Variants in CNGA1 observed in about 807,000 individuals in gnomAD.
The protein encoded by CNGA1 is cyclic nucleotide-gated channel alpha-1.
CNGA1 carries 53 observed loss-of-function variants against 69.7 expected under a neutral mutation model. That is an observed-to-expected ratio of 0.76 (90% CI 0.61 to 0.96). The LOEUF (loss-of-function observed/expected upper bound fraction) is 0.96, where lower values mean the gene tolerates loss of function less well. Among genes scored for constraint, CNGA1 ranks in the 40% least tolerant of loss-of-function variants. The pLI, the probability that CNGA1 is intolerant of heterozygous loss-of-function variation, is 0.00. For synonymous variants in CNGA1, 249 were observed against 283.5 expected (o/e 0.88, Z 1.22); for missense variants, 739 against 811.2 (o/e 0.91, Z 1.08).
chr4:47,996,711 GA>G (rs1049375684), intron 2 of CNGA1, among the ~76,000 whole-genome samples: 4 of 151,724 alleles, frequency 2.6e-5, no homozygotes, highest in Admixed American at 6.6e-5. Flanking sequence ...CCAGAGTAAG[GA>G]AAAAAAATTA....
At chr4:47,976,043 A>G (rs191252408) in intron 3 of CNGA1, among the ~76,000 whole-genome samples, 1 of 150,808 alleles carries the variant, frequency 6.6e-6, no homozygotes, top group African/African-American at 2.4e-5. Context: ...GTGTTTTGGA[A>G]AGTCTTAAAA....
intron 3 of CNGA1, among the ~76,000 whole-genome samples, chr4:47,960,561 A>G (rs1036709018): frequency 2.6e-5 from 4 of 152,200 alleles, no homozygotes; most frequent in African/African-American, 7.2e-5. Context: ...TAGAATTCCA[A>G]TCTTTTGCTT....
At chr4:47,941,921 C>T (rs1031730248) in intron 9 of CNGA1, 120 bp downstream of exon 9, 4 of 672,470 alleles carry the variant, frequency 5.9e-6, no homozygotes, top group Non-Finnish European at 1.0e-5. Context: ...CTCTTTACCA[C>T]CTGCAGTAGA....
chr4:47,976,566 C>T (rs7694104), intron 3 of CNGA1, among the ~76,000 whole-genome samples: 80,274 of 151,406 alleles, frequency 0.53, 23,022 homozygotes, highest in Non-Finnish European at 0.64. Flanking sequence ...TGTAATTCCA[C>T]GGAGATTTTG....
rs1303242394 is a variant in CNGA1, at chr4:47,937,488, C to A, written c.994G>T (p.Asp332Tyr). The change falls in exon 11 of 11, where the codon GAT becomes TAT. Residue 332 changes from aspartate to tyrosine, a missense_variant. By Grantham distance (160) the Asp-to-Tyr change is radical (BLOSUM62 -3). Coordinates refer to ENST00000514170, the MANE Select transcript of CNGA1 (RefSeq NM_001379270.1). ...GFGNDTWVYPDINDPEFGRLA... is the reference protein window; with the variant it reads ...GFGNDTWVYPYINDPEFGRLA... The stretch of plus-strand genomic sequence containing the variant: ...CGGCCAAATTCAGGATCATTAATAT[C>A]AGGGTAGACCCATGTATCATTTCCA... 6 of 1,614,052 alleles carry A rather than the reference C, an allele frequency of 3.7e-6. No homozygotes were observed. In the African/African-American group the frequency reaches 8.0e-5, roughly 22 times the overall value.
chr4:47,973,274 A>G (rs1014203876), intron 3 of CNGA1, among the ~76,000 whole-genome samples: 19 of 151,882 alleles, frequency 1.3e-4, no homozygotes, highest in African/African-American at 4.6e-4. Context: ...GGGATGGTTC[A>G]CCATTTTGGC....
At chr4:48,006,628 T>A (rs977977364) in intron 2 of CNGA1, among the ~76,000 whole-genome samples, 6 of 145,496 alleles carry the variant, frequency 4.1e-5, no homozygotes, top group Admixed American at 2.0e-4. Context: ...AAAAAAGACA[T>A]AATTTTTTTT....
Position 47,940,873 on chromosome 4 carries a change from T to C in CNGA1, c.546-4A>G, listed in dbSNP as rs1739033685. ...TTGAAGTTCATCAAAACATGCTCTA[T>C]AAAAAAAGAAACACTTGTATAAATA... On this transcript the variant is annotated splice_region_variant and splice_polypyrimidine_tract_variant and intron_variant, in intron 9 of 10. Coordinates refer to ENST00000514170, the MANE Select transcript of CNGA1 (RefSeq NM_001379270.1). 6.3e-7 allele frequency: 1 copy of C among 1,580,872 alleles called. No homozygotes were observed. Among genetic ancestry groups the C allele is most frequent in the African/African-American group, 1.4e-5 (1 of 73,936 alleles).
rs760641898 is a variant in CNGA1 at position 47,942,035 on chromosome 4, A to G, written c.545+6T>C. The G allele has an allele frequency of 1.9e-5, 29 of 1,558,516 alleles. No homozygotes were observed. The highest frequency in any genetic ancestry group is 2.6e-5 in the Non-Finnish European group (29 of 1,134,868). On this transcript the variant is annotated splice_donor_region_variant and intron_variant, in intron 9 of 10. Coordinates refer to ENST00000514170, the MANE Select transcript of CNGA1 (RefSeq NM_001379270.1). ...CACAAAAAAAAAAAAAAAAAATTATAGACACCTGGCAATAACCATTGTCCA... is the reference window on the plus strand; with the variant it reads ...CACAAAAAAAAAAAAAAAAAATTATGGACACCTGGCAATAACCATTGTCCA...
At position 47,991,612 on chromosome 4, in the gene CNGA1, G is replaced by C. The variant is rs181428861; in HGVS notation, c.-122-10112C>G. Among the ~76,000 whole-genome samples the C allele has an allele frequency of 3.8e-3, 579 of 152,220 alleles. 2 individuals are homozygous for C. Among genetic ancestry groups the C allele is most frequent in the Middle Eastern group, 6.8e-3 (2 of 294 alleles). The stretch of plus-strand genomic sequence containing the variant: ...TTGTGAAGATTTCCTCCCACTCTGT[G>C]GGTTGTCTGTTTACTCTGCTGACTG... On this transcript the variant is annotated intron_variant, in intron 2 of 10. Coordinates refer to ENST00000514170, the MANE Select transcript of CNGA1 (RefSeq NM_001379270.1).
intron 3 of CNGA1, among the ~76,000 whole-genome samples, chr4:47,955,106 G>A (rs905246786): frequency 2.6e-5 from 4 of 151,048 alleles, no homozygotes; most frequent in South Asian, 2.1e-4. Flanking sequence ...ATGCCTCAGT[G>A]ACTCAATTAG....
At chr4:47,961,264 G>C (rs905381884) in intron 3 of CNGA1, among the ~76,000 whole-genome samples, 7 of 152,292 alleles carry the variant, frequency 4.6e-5, no homozygotes, top group Admixed American at 4.6e-4. Flanking sequence ...AAACATTAAA[G>C]ATACAGCCCT....
intron 2 of CNGA1, among the ~76,000 whole-genome samples, chr4:47,988,632 A>G (rs1293020553): frequency 6.6e-6 from 1 of 152,166 alleles, no homozygotes; most frequent in Non-Finnish European, 1.5e-5. Flanking sequence ...GGACTCAATG[A>G]TATTATATTT....
intron 5 of CNGA1, 64 bp from the exon 6 acceptor site, chr4:47,949,959 G>A (rs1456697867): frequency 6.8e-7 from 1 of 1,477,748 alleles, no homozygotes; most frequent in Non-Finnish European, 9.5e-7. Flanking sequence ...TCCATGGTAG[G>A]CAAATGGTCT....
At chr4:47,940,078 A>G (rs1449750061) in intron 10 of CNGA1, among the ~76,000 whole-genome samples, 1 of 152,190 alleles carries the variant, frequency 6.6e-6, no homozygotes, top group African/African-American at 2.4e-5. Flanking sequence ...CCAGCATTTC[A>G]GCCCTCTGAT....
intron 2 of CNGA1, among the ~76,000 whole-genome samples, chr4:47,990,747 A>T (rs1405560610): frequency 6.6e-6 from 1 of 151,804 alleles, no homozygotes; most frequent in Non-Finnish European, 1.5e-5. Context: ...CTCTCTTTGT[A>T]CTCTTTTTCT....
intron 3 of CNGA1, among the ~76,000 whole-genome samples, chr4:47,961,593 A>C (rs993261394): frequency 6.6e-6 from 1 of 152,108 alleles, no homozygotes; most frequent in African/African-American, 2.4e-5. Flanking sequence ...AAAATACAAA[A>C]ATTAGTCAGG....
At chr4:47,982,314 T>G (rs1388031775) in intron 2 of CNGA1, among the ~76,000 whole-genome samples, 1 of 152,212 alleles carries the variant, frequency 6.6e-6, no homozygotes, top group Non-Finnish European at 1.5e-5. Flanking sequence ...ATATTTTTCT[T>G]GCTGAACAAT....
In CNGA1 at chr4:47,937,029, C is replaced by T. The variant is rs769177401; in HGVS notation, c.1453G>A (p.Val485Met). 1.2e-6 allele frequency: 2 copies of T among 1,614,156 alleles called. No homozygotes were observed. Among genetic ancestry groups the T allele is most frequent in the Non-Finnish European group, 1.7e-6 (2 of 1,180,044 alleles). The change falls in exon 11 of 11, where the codon GTG (valine) becomes ATG (methionine). Residue 485 changes from valine (V) to methionine (M), a missense_variant. By Grantham distance (21) the Val-to-Met change is conservative. Transcript: ENST00000514170. ...GGTTGCAATTTCAAGACCAACTCCA[C>T]CAACAGACCAGCTTCACAATCAGCA... ...IFADCEAGLL[V>M]ELVLKLQPQV...
Sources: gnomAD v4.1 joint callset for allele counts (sites outside exome capture counted in the v4.1 genomes callset) on GRCh38, gnomAD v4.1.1 for gene constraint, MANE v1.5 for transcripts, NCBI Gene and HGNC (gene_info 2026-07-23, HGNC 2026-07-21) for gene names.